SORL1: variants seen among roughly 807,000 people sequenced by gnomAD.
SORL1 encodes the protein sortilin-related receptor.
Under a neutral mutation model 273.7 loss-of-function variants are expected in SORL1, and 127 were observed. The ratio of observed to expected loss-of-function variants is 0.46; its 90% CI spans 0.40 to 0.54. The LOEUF is 0.54. Ranked by LOEUF, SORL1 falls within the 20% of genes least tolerant of loss-of-function variation. The pLI, the probability that SORL1 is intolerant of heterozygous loss-of-function variation, is 0.00. For missense variants in SORL1, 2,494 were observed against 2,846.1 expected (o/e 0.88, Z 2.81); for synonymous variants, 1,031 against 1,067.4 (o/e 0.97, Z 0.66).
intron 14 of SORL1, among the ~76,000 whole-genome samples, chr11:121,546,287 C>T (rs776069080): frequency 2.6e-5 from 4 of 152,052 alleles, no homozygotes; most frequent in African/African-American, 4.8e-5. Context: ...AGGCCTTCAG[C>T]GGCTTTTGAG....
chr11:121,580,805 A>G (rs989198154), intron 25 of SORL1, among the ~76,000 whole-genome samples: 3 of 151,408 alleles, frequency 2.0e-5, no homozygotes, highest in Admixed American at 6.6e-5. Flanking sequence ...GGGTTTTGCC[A>G]TATTGCCCAG....
chr11:121,503,843 A>G (rs568848865), intron 6 of SORL1, among the ~76,000 whole-genome samples: 123 of 152,276 alleles, frequency 8.1e-4, no homozygotes, highest in African/African-American at 2.6e-3. Flanking sequence ...GTTCTTTTTC[A>G]AGATTGTATT....
chr11:121,585,947 C>G (rs73595281), intron 26 of SORL1, among the ~76,000 whole-genome samples: 26,872 of 152,100 alleles, frequency 0.18, 3,268 homozygotes, highest in African/African-American at 0.35. Flanking sequence ...GGTTTTCAAC[C>G]TGTTACAAAC....
At chr11:121,594,705 G>A (rs1028892667) in intron 31 of SORL1, among the ~76,000 whole-genome samples, 1 of 152,152 alleles carries the variant, frequency 6.6e-6, no homozygotes, top group Non-Finnish European at 1.5e-5. Context: ...TTAGGGCTCT[G>A]TTTGGCTTTC....
At chr11:121,571,072 A>C (rs548432284) in intron 23 of SORL1, among the ~76,000 whole-genome samples, 3 of 152,342 alleles carry the variant, frequency 2.0e-5, no homozygotes, top group East Asian at 3.9e-4. Context: ...ATTGCCGATC[A>C]AGGCAGAAAC....
intron 23 of SORL1, among the ~76,000 whole-genome samples, chr11:121,571,201 G>A (rs1862837516): frequency 6.6e-6 from 1 of 152,246 alleles, no homozygotes; most frequent in East Asian, 1.9e-4. Flanking sequence ...ACTTGGGCAG[G>A]CCCTAGCAAA....
At chr11:121,497,894 A>G (rs1454621026) in intron 6 of SORL1, among the ~76,000 whole-genome samples, 1 of 152,144 alleles carries the variant, frequency 6.6e-6, no homozygotes, top group East Asian at 1.9e-4. Flanking sequence ...CTGAAATCAG[A>G]CGTAATCTTT....
rs182494015 is a variant in SORL1 at position 121,508,212 on chromosome 11, A to G, written c.940-4791A>G. 2.5e-3 allele frequency among the ~76,000 whole-genome samples: 388 copies of G among 152,294 alleles called. 5 individuals carry two copies. The highest frequency in any genetic ancestry group is 7.1e-3 in the Admixed American group (108 of 15,296). ...CCTAGCCTTCACTTCCTGCTTATGT[A>G]GAGCTTCAAGATTAGCTGGAGGTAA... On this transcript the variant is annotated intron_variant, in intron 6 of 47. Coordinates refer to ENST00000260197, the MANE Select transcript of SORL1 (RefSeq NM_003105.6).
chr11:121,530,504 C>G (rs1208506889), intron 11 of SORL1, among the ~76,000 whole-genome samples: 3 of 152,144 alleles, frequency 2.0e-5, no homozygotes, highest in African/African-American at 7.2e-5. Flanking sequence ...TGAGAAACCT[C>G]TCTTCACTTT....
chr11:121,534,729 A>G (rs1372604443), intron 12 of SORL1, among the ~76,000 whole-genome samples: 1 of 152,218 alleles, frequency 6.6e-6, no homozygotes, highest in African/African-American at 2.4e-5. Flanking sequence ...GTTAGTTGAT[A>G]TTCTCAGACT....
intron 22 of SORL1, among the ~76,000 whole-genome samples, chr11:121,569,274 T>C (rs1862800861): frequency 6.6e-6 from 1 of 152,170 alleles, no homozygotes; most frequent in Non-Finnish European, 1.5e-5. Context: ...TTGTAGAGCA[T>C]GTGTGTTTGA....
intron 32 of SORL1, among the ~76,000 whole-genome samples, chr11:121,601,202 C>T (rs1802828866): frequency 6.9e-6 from 1 of 144,512 alleles, no homozygotes; most frequent in Non-Finnish European, 1.5e-5. Context: ...CAATTTCATC[C>T]ATGTCCCTAC....
rs1165717733 is a variant in SORL1, at chr11:121,583,592, A to T, written c.3706+9A>T. 1 of 1,601,762 alleles carries T rather than the reference A, an allele frequency of 6.2e-7. No individual in the cohort carries two copies. The stretch of plus-strand genomic sequence containing the variant: ...GGATCCAGTCAACTGTGGTAAATGC[A>T]AATTCCCCAGCTCCCTCCCTGAGCC... On this transcript the variant is annotated intron_variant, in intron 26 of 47. Transcript: ENST00000260197.
intron 6 of SORL1, among the ~76,000 whole-genome samples, chr11:121,498,454 A>G (rs187063701): frequency 1.2e-4 from 18 of 152,056 alleles, no homozygotes; most frequent in Admixed American, 3.3e-4. Flanking sequence ...TTAATTCTGA[A>G]CTCTAAAACA....
intron 11 of SORL1, among the ~76,000 whole-genome samples, chr11:121,528,961 G>T (rs1048093939): frequency 6.6e-6 from 1 of 152,176 alleles, no homozygotes; most frequent in African/African-American, 2.4e-5. Context: ...CCTAAGAGAG[G>T]AATGGTAAGA....
chr11:121,593,275 A>G (rs1503422), intron 31 of SORL1, among the ~76,000 whole-genome samples: 76,116 of 152,136 alleles, frequency 0.5, 21,282 homozygotes, highest in Non-Finnish European at 0.65. Context: ...TGAAAATCCA[A>G]TGAAAACTAT....
chr11:121,583,349 C>A, intron 25 of SORL1, 109 bp from the exon 26 acceptor site: 1 of 1,322,956 alleles, frequency 7.6e-7, no homozygotes, highest in Non-Finnish European at 1.0e-6. Context: ...TCCCACAGTT[C>A]AGACCTTATT....
At chr11:121,533,136 A>G (rs1301177070) in intron 12 of SORL1, among the ~76,000 whole-genome samples, 1 of 152,048 alleles carries the variant, frequency 6.6e-6, no homozygotes, top group Non-Finnish European at 1.5e-5. Context: ...TGTCTTTATT[A>G]CATAGAAAGA....
At chr11:121,566,702 G>A (rs11218344) in intron 21 of SORL1, 29,999 of 431,616 alleles carry the variant, frequency 0.07, 1,189 homozygotes, top group South Asian at 0.081. Context: ...GAGGAACCCT[G>A]CTGCCTGGCT....
Sources: allele counts gnomAD v4.1 joint callset (sites outside exome capture counted in the v4.1 genomes callset), GRCh38; gene constraint gnomAD v4.1.1; transcripts MANE v1.5; gene names NCBI Gene and HGNC (gene_info 2026-07-23, HGNC 2026-07-21).